The following PRPF39 variants were observed in gnomAD, a reference collection of about 807,000 sequenced individuals.
The protein encoded by PRPF39 is pre-mRNA processing factor 39, also known as pre-mRNA-processing factor 39.
In PRPF39, 27 loss-of-function variants were observed where a neutral mutation model predicts 82.1. The observed-to-expected ratio is 0.33, with a 90% CI of 0.24 to 0.45. The LOEUF (loss-of-function observed/expected upper bound fraction) is 0.45, where lower values mean the gene tolerates loss of function less well. Ranked by LOEUF, PRPF39 falls within the 20% of genes least tolerant of loss-of-function variation. The probability of loss-of-function intolerance (pLI) is 1.00; values close to 1 mark genes in which losing one functional copy is unlikely to be tolerated. For synonymous variants in PRPF39, 261 were observed against 256.4 expected (o/e 1.02, Z -0.17); for missense variants, 581 against 796.9 (o/e 0.73, Z 3.26).
intron 4 of PRPF39, among the ~76,000 whole-genome samples, chr14:45,097,831 G>A (rs145156505): frequency 6.6e-6 from 1 of 152,210 alleles, no homozygotes; most frequent in East Asian, 1.9e-4. Context: ...AAAAGCATGT[G>A]CATATTGCTT....
chr14:45,085,695 AG>A (rs1361785724), intron 1 of PRPF39, among the ~76,000 whole-genome samples: 1 of 152,196 alleles, frequency 6.6e-6, no homozygotes, highest in African/African-American at 2.4e-5. Context: ...GTGACTACTT[AG>A]CCCTTAAAAA....
chr14:45,095,777 A>G, intron 2 of PRPF39: 4 of 655,352 alleles, frequency 6.1e-6, no homozygotes, highest in Non-Finnish European at 9.4e-6. Flanking sequence ...AATGTTTTGT[A>G]ATAATTGAGG....
intron 4 of PRPF39, among the ~76,000 whole-genome samples, chr14:45,098,697 T>C (rs1168451980): frequency 6.6e-6 from 1 of 152,178 alleles, no homozygotes; most frequent in Non-Finnish European, 1.5e-5. Flanking sequence ...TTCCTCTCCT[T>C]TGAGCTGTCT....
At chr14:45,105,507 T>A (rs1884499631) in intron 5 of PRPF39, among the ~76,000 whole-genome samples, 1 of 151,724 alleles carries the variant, frequency 6.6e-6, no homozygotes, top group Admixed American at 6.6e-5. Flanking sequence ...TAAATTAGAT[T>A]CCAATGTTAT....
chr14:45,100,313 A>T (rs1448122699), intron 4 of PRPF39, among the ~76,000 whole-genome samples: 2 of 152,238 alleles, frequency 1.3e-5, no homozygotes, highest in African/African-American at 4.8e-5. Flanking sequence ...GGGCATTGTC[A>T]GTTGGCCTAT....
chr14:45,106,201 T>A (rs1250943500), intron 5 of PRPF39, among the ~76,000 whole-genome samples: 1 of 151,924 alleles, frequency 6.6e-6, no homozygotes, highest in African/African-American at 2.4e-5. Flanking sequence ...TTAGAAAAAT[T>A]AGCTGGGCGT....
chr14:45,107,074 T>C (rs1027071792), intron 5 of PRPF39, among the ~76,000 whole-genome samples: 1 of 152,180 alleles, frequency 6.6e-6, no homozygotes, highest in Non-Finnish European at 1.5e-5. Context: ...TGTAGTAAAA[T>C]AGATTCTATG....
At chr14:45,109,468 G>A (rs1884637901) in intron 7 of PRPF39, 148 bp from the exon 8 acceptor site, 11 of 646,206 alleles carry the variant, frequency 1.7e-5, no homozygotes, top group Non-Finnish European at 2.3e-5. Context: ...GAATTTAAGG[G>A]TTAATTTTAA....
intron 10 of PRPF39, 135 bp from the exon 11 acceptor site, chr14:45,112,183 C>A: frequency 1.2e-6 from 1 of 808,452 alleles, no homozygotes; most frequent in Non-Finnish European, 1.8e-6. Flanking sequence ...ATGCTGAAAA[C>A]ATTTAGCATG....
At chr14:45,087,841 C>A (rs191745958) in intron 1 of PRPF39, among the ~76,000 whole-genome samples, 1 of 150,822 alleles carries the variant, frequency 6.6e-6, no homozygotes, top group East Asian at 2.0e-4. Context: ...CCCGCCTCAG[C>A]CTCCCAAAGT....
chr14:45,093,717 G>A (rs1445936211), intron 1 of PRPF39, among the ~76,000 whole-genome samples: 2 of 151,494 alleles, frequency 1.3e-5, no homozygotes, highest in African/African-American at 2.4e-5. Flanking sequence ...CACCACGCCC[G>A]GCTAATTTGG....
chr14:45,088,117 A>G (rs1883902512), intron 1 of PRPF39: 1 of 153,330 alleles, frequency 6.5e-6, no homozygotes, highest in Non-Finnish European at 1.5e-5. Flanking sequence ...TACACATTGA[A>G]CAAGTATCAC....
At chr14:45,114,069 A>G in intron 11 of PRPF39, 114 bp from the exon 12 acceptor site, 3 of 712,500 alleles carry the variant, frequency 4.2e-6, no homozygotes, top group Non-Finnish European at 6.8e-6. Flanking sequence ...TTTTAAAAAT[A>G]AAGGAGCCGC....
At chr14:45,100,437 T>G (rs1244578767) in intron 4 of PRPF39, among the ~76,000 whole-genome samples, 1 of 152,134 alleles carries the variant, frequency 6.6e-6, no homozygotes, top group Non-Finnish European at 1.5e-5. Flanking sequence ...AAGGATAATT[T>G]TATTTACTTG....
chr14:45,113,276 A>G (rs1203308634), intron 11 of PRPF39, among the ~76,000 whole-genome samples: 1 of 152,252 alleles, frequency 6.6e-6, no homozygotes, highest in Non-Finnish European at 1.5e-5. Flanking sequence ...TGTTTATATT[A>G]GTGTATTTTA....
Position 45,112,412 on chromosome 14 carries a change from C to T in PRPF39, c.1667C>T (p.Ala556Val), listed in dbSNP as rs1266414434. The T allele has an allele frequency of 6.3e-7, 1 of 1,575,598 alleles. No individual in the cohort carries two copies. The highest frequency in any genetic ancestry group is 8.6e-7 in the Non-Finnish European group (1 of 1,168,842). Residue 556 changes from alanine to valine, a missense_variant, in exon 11 of 14, where the codon GCT (alanine) becomes GTT (valine). Transcript: ENST00000355765. The part of the protein sequence containing the change: ...EENILNCFDK[A>V]VHGSLPIKMR... ...AATATCCTAAATTGTTTTGACAAAG[C>T]TGTACATGGTTCATTACCTATTAAA...
intron 1 of PRPF39, among the ~76,000 whole-genome samples, chr14:45,086,079 G>A (rs1883819601): frequency 6.6e-6 from 1 of 152,110 alleles, no homozygotes; most frequent in Non-Finnish European, 1.5e-5. Flanking sequence ...CAGTAGCTGG[G>A]ATTACAGATG....
intron 4 of PRPF39, 127 bp downstream of exon 4, chr14:45,097,132 G>A (rs1884223211): frequency 1.5e-6 from 2 of 1,335,146 alleles, no homozygotes; most frequent in Non-Finnish European, 2.0e-6. Context: ...AATGATACAT[G>A]TAATAAACTT....
chr14:45,112,052 A>G (rs112851816), intron 10 of PRPF39, among the ~76,000 whole-genome samples: 1 of 152,192 alleles, frequency 6.6e-6, no homozygotes, highest in African/African-American at 2.4e-5. Context: ...AATACAAGAT[A>G]GGCTATAGAG....
Sources: gnomAD v4.1 joint callset for allele counts (sites outside exome capture counted in the v4.1 genomes callset) on GRCh38, gnomAD v4.1.1 for gene constraint, MANE v1.5 for transcripts, NCBI Gene and HGNC (gene_info 2026-07-23, HGNC 2026-07-21) for gene names.